Variants in EMCN observed in about 807,000 individuals in gnomAD.
EMCN encodes the protein MUC-14.
EMCN carries 37 observed loss-of-function variants against 38.4 expected under a neutral mutation model. That is an observed-to-expected ratio of 0.96 (90% CI 0.74 to 1.27). The LOEUF is 1.27. EMCN is among the 50% of genes most tolerant of loss of function. The probability of loss-of-function intolerance (pLI) is 0.00; values close to 1 mark genes in which losing one functional copy is unlikely to be tolerated. For synonymous variants in EMCN, 95 were observed against 100.8 expected (o/e 0.94, Z 0.35); for missense variants, 318 against 302.8 (o/e 1.05, Z -0.37).
chr4:100,442,325 T>C (rs1727545069), intron 5 of EMCN, among the ~76,000 whole-genome samples: 1 of 152,246 alleles, frequency 6.6e-6, no homozygotes, highest in Non-Finnish European at 1.5e-5. Flanking sequence ...AATTTCTCTT[T>C]GTCTTTGACT....
intron 11 of EMCN, among the ~76,000 whole-genome samples, chr4:100,407,508 T>C (rs1726427856): frequency 6.6e-6 from 1 of 152,180 alleles, no homozygotes; most frequent in Non-Finnish European, 1.5e-5. Flanking sequence ...TGAAATTCTT[T>C]GTTGGAATTT....
At chr4:100,458,042 G>T (rs1728067415) in intron 4 of EMCN, among the ~76,000 whole-genome samples, 1 of 152,096 alleles carries the variant, frequency 6.6e-6, no homozygotes, top group African/African-American at 2.4e-5. Flanking sequence ...CTTGGACCTG[G>T]GAGGTGGAGT....
intron 1 of EMCN, among the ~76,000 whole-genome samples, chr4:100,498,024 CA>C (rs1246764212): frequency 6.6e-6 from 1 of 151,574 alleles, no homozygotes; most frequent in African/African-American, 2.4e-5. Context: ...CTGTTTTTTT[CA>C]ATAGTGGTTG....
chr4:100,419,611 T>A (rs79265439), intron 8 of EMCN, among the ~76,000 whole-genome samples: 6,019 of 152,212 alleles, frequency 0.04, 404 homozygotes, highest in African/African-American at 0.14. Context: ...AGCACATTAA[T>A]TTTTACATAT....
chr4:100,414,569 G>C (rs1450480554), intron 10 of EMCN, among the ~76,000 whole-genome samples: 1 of 152,022 alleles, frequency 6.6e-6, no homozygotes, highest in Non-Finnish European at 1.5e-5. Flanking sequence ...GAGTGGAAGA[G>C]ATACAAGAGC....
chr4:100,500,478 T>C (rs529500893), intron 1 of EMCN, among the ~76,000 whole-genome samples: 87 of 152,202 alleles, frequency 5.7e-4, no homozygotes, highest in African/African-American at 2.0e-3. Context: ...CAGTGTAAAA[T>C]CTCCTTGGGA....
rs149947002 is a variant in EMCN at position 100,453,151 on chromosome 4, A to C, written c.377-5580T>G. On this transcript the variant is annotated intron_variant, in intron 4 of 11. Transcript: ENST00000296420. ...CTAAAACACCAAAAGCAGTGGCAAC[A>C]AAAGCCAAAATTGACAAATGGGATC... 7.5e-3 allele frequency among the ~76,000 whole-genome samples: 1,147 copies of C among 152,324 alleles called. 13 individuals are homozygous for C. The highest frequency in any genetic ancestry group is 0.026 in the African/African-American group (1,094 of 41,570).
At chr4:100,467,239 T>A (rs1035861759) in intron 3 of EMCN, among the ~76,000 whole-genome samples, 1 of 152,172 alleles carries the variant, frequency 6.6e-6, no homozygotes, top group Admixed American at 6.5e-5. Flanking sequence ...CAAAATGTTT[T>A]AAAATATTCA....
At chr4:100,436,174 G>GAA (rs200200660) in intron 5 of EMCN, among the ~76,000 whole-genome samples, 1 of 147,240 alleles carries the variant, frequency 6.8e-6, no homozygotes, top group Admixed American at 6.7e-5. Flanking sequence ...ACTTAAACAA[G>GAA]AAAAAAAAAA....
intron 1 of EMCN, among the ~76,000 whole-genome samples, chr4:100,496,287 G>A (rs1729204808): frequency 6.6e-6 from 1 of 152,074 alleles, no homozygotes; most frequent in South Asian, 2.1e-4. Context: ...GATAAGTTCA[G>A]AAGAGTCATT....
intron 4 of EMCN, among the ~76,000 whole-genome samples, chr4:100,461,935 C>T (rs242596): frequency 0.82 from 124,409 of 152,128 alleles, 52,286 homozygotes; most frequent in South Asian, 0.96. Context: ...CCTGTATCCA[C>T]TAATCCTAAC....
intron 11 of EMCN, among the ~76,000 whole-genome samples, chr4:100,399,493 C>T (rs1726198491): frequency 6.6e-6 from 1 of 152,104 alleles, no homozygotes; most frequent in Non-Finnish European, 1.5e-5. Context: ...CGGCTATGGC[C>T]TGCGGGTAGC....
intron 2 of EMCN, 32 bp from the exon 3 acceptor site, chr4:100,475,141 A>T: frequency 8.9e-7 from 1 of 1,124,530 alleles, no homozygotes; most frequent in Non-Finnish European, 1.3e-6. Context: ...AATTATTATT[A>T]ATCATAATCT....
intron 10 of EMCN, among the ~76,000 whole-genome samples, chr4:100,413,353 A>C (rs1342956050): frequency 6.6e-6 from 1 of 152,134 alleles, no homozygotes; most frequent in African/African-American, 2.4e-5. Context: ...CTGACATCAA[A>C]CCTAACCATT....
intron 5 of EMCN, among the ~76,000 whole-genome samples, chr4:100,444,456 G>A (rs939835535): frequency 6.6e-6 from 1 of 152,144 alleles, no homozygotes; most frequent in African/African-American, 2.4e-5. Context: ...ATCCTGGATG[G>A]TGGTGGTGGG....
At chr4:100,482,451 A>G (rs1259409892) in intron 1 of EMCN, among the ~76,000 whole-genome samples, 2 of 152,168 alleles carry the variant, frequency 1.3e-5, no homozygotes, top group Non-Finnish European at 2.9e-5. Flanking sequence ...CTCTGCTGGC[A>G]TGAATAATGA....
intron 10 of EMCN, among the ~76,000 whole-genome samples, chr4:100,413,314 C>A (rs567061477): frequency 1.3e-4 from 20 of 151,976 alleles, no homozygotes; most frequent in Admixed American, 1.2e-3. Context: ...ATATAGGCAG[C>A]AGTAGAAAAA....
intron 4 of EMCN, among the ~76,000 whole-genome samples, chr4:100,459,970 G>C (rs1287801574): frequency 6.6e-6 from 1 of 152,112 alleles, no homozygotes; most frequent in Non-Finnish European, 1.5e-5. Flanking sequence ...TCATATGATA[G>C]CTATAATTTT....
At chr4:100,400,401 C>A (rs935676710) in intron 11 of EMCN, among the ~76,000 whole-genome samples, 2 of 150,402 alleles carry the variant, frequency 1.3e-5, no homozygotes, top group African/African-American at 4.9e-5. Flanking sequence ...TAAGTTTTAG[C>A]TCAAATACCA....
Sources: allele counts gnomAD v4.1 joint callset (sites outside exome capture counted in the v4.1 genomes callset), GRCh38; gene constraint gnomAD v4.1.1; transcripts MANE v1.5; gene names NCBI Gene and HGNC (gene_info 2026-07-23, HGNC 2026-07-21).